DDHD1: variants seen among roughly 807,000 people sequenced by gnomAD.
DDHD1 encodes DDHD domain containing 1.
DDHD1 carries 49 observed loss-of-function variants against 96.4 expected under a neutral mutation model. That is an observed-to-expected ratio of 0.51 (90% CI 0.40 to 0.64). The LOEUF is 0.64. DDHD1 is among the 30% of genes least tolerant of loss of function. The pLI, the probability that DDHD1 is intolerant of heterozygous loss-of-function variation, is 0.00. For missense variants in DDHD1, 1,106 were observed against 1,161.2 expected, an observed-to-expected ratio of 0.95 and a Z score of 0.69; for synonymous variants, 442 against 446.5, an observed-to-expected ratio of 0.99 and a Z score of 0.13.
intron 1 of DDHD1, among the ~76,000 whole-genome samples, chr14:53,147,946 T>A (rs1891109398): frequency 6.6e-6 from 1 of 151,340 alleles, no homozygotes; most frequent in Non-Finnish European, 1.5e-5. Flanking sequence ...AATAACACGG[T>A]CACATCTACA....
At chr14:53,142,460 CA>C (rs745636721) in intron 1 of DDHD1, among the ~76,000 whole-genome samples, 553 of 72,042 alleles carry the variant, frequency 7.7e-3, no homozygotes, top group African/African-American at 0.014. Flanking sequence ...GCCGGCATGG[CA>C]AAAAAAAAAA....
At position 53,152,832 on chromosome 14, in the gene DDHD1, A is replaced by G. The variant is rs749815079; in HGVS notation, c.267T>C (p.Tyr89=). 1 of 1,611,676 alleles carries G rather than the reference A, an allele frequency of 6.2e-7. No homozygotes were observed. The highest frequency in any genetic ancestry group is 8.5e-7 in the Non-Finnish European group (1 of 1,179,256). Residue 89 remains tyrosine (Y), a synonymous_variant, in exon 1 of 13, where the codon TAT becomes TAC. Coordinates refer to ENST00000673822, the MANE Select transcript of DDHD1 (RefSeq NM_001160148.2). ...ALDPCLSDEN[Y]DFSSAESGSS... ...AGCCCGACTCGGCGGAGCTGAAGTC[A>G]TAGTTCTCGTCACTGAGGCAGGGGT... is the stretch of plus-strand genomic sequence containing the variant.
At chr14:53,084,758 T>C (rs1885784794) in intron 4 of DDHD1, among the ~76,000 whole-genome samples, 2 of 152,184 alleles carry the variant, frequency 1.3e-5, no homozygotes, top group Admixed American at 6.5e-5. Context: ...ACCTGGTTCA[T>C]CTCACTGGGA....
intron 1 of DDHD1, among the ~76,000 whole-genome samples, chr14:53,127,130 G>A (rs915703000): frequency 1.1e-4 from 17 of 152,142 alleles, no homozygotes; most frequent in Admixed American, 1.1e-3. Context: ...AAAGTTACCA[G>A]ACAATTGAGA....
chr14:53,066,910 T>C (rs555866969), intron 6 of DDHD1, among the ~76,000 whole-genome samples: 8 of 146,640 alleles, frequency 5.5e-5, no homozygotes, highest in African/African-American at 2.0e-4. Context: ...GAGGCTGCAG[T>C]GAGCTGAGAT....
At chr14:53,132,863 C>T (rs1302242588) in intron 1 of DDHD1, among the ~76,000 whole-genome samples, 2 of 152,202 alleles carry the variant, frequency 1.3e-5, no homozygotes, top group East Asian at 1.9e-4. Context: ...AAGCAGCTAG[C>T]GTTCCAACTT....
At chr14:53,142,344 C>T (rs1248236220) in intron 1 of DDHD1, among the ~76,000 whole-genome samples, 1 of 152,086 alleles carries the variant, frequency 6.6e-6, no homozygotes, top group East Asian at 1.9e-4. Context: ...ACCTAGCTGC[C>T]ATCCCCACTA....
At chr14:53,126,677 CTTTCT>C (rs1889464782) in intron 1 of DDHD1, among the ~76,000 whole-genome samples, 1 of 152,178 alleles carries the variant, frequency 6.6e-6, no homozygotes, top group Non-Finnish European at 1.5e-5. Context: ...GATGTAACAT[CTTTCT>C]TTAAGACTCA....
chr14:53,127,816 T>G (rs1889564266), intron 1 of DDHD1, among the ~76,000 whole-genome samples: 1 of 152,194 alleles, frequency 6.6e-6, no homozygotes, highest in African/African-American at 2.4e-5. Flanking sequence ...TATGTGAAAA[T>G]AGATCCTTAA....
intron 2 of DDHD1, among the ~76,000 whole-genome samples, chr14:53,102,003 C>T (rs1887335992): frequency 6.6e-6 from 1 of 151,798 alleles, no homozygotes; most frequent in South Asian, 2.1e-4. Flanking sequence ...CTCCAAGCTC[C>T]TGGATTTTTT....
chr14:53,081,497 T>G (rs573731740), intron 4 of DDHD1, among the ~76,000 whole-genome samples: 1 of 152,302 alleles, frequency 6.6e-6, no homozygotes, highest in Admixed American at 6.5e-5. Flanking sequence ...ATAGACAATT[T>G]TGTACTTCGA....
intron 1 of DDHD1, among the ~76,000 whole-genome samples, chr14:53,141,749 G>T (rs1232523254): frequency 6.6e-6 from 1 of 152,190 alleles, no homozygotes; most frequent in Non-Finnish European, 1.5e-5. Context: ...AAACTTCACT[G>T]TGACTCCCAG....
chr14:53,152,227 G>A (rs768651612), intron 1 of DDHD1, 34 bp downstream of exon 1: 2 of 1,553,978 alleles, frequency 1.3e-6, no homozygotes, highest in East Asian at 2.3e-5. Flanking sequence ...TGCAGGGGCA[G>A]CCCGTCCTGC....
intron 4 of DDHD1, among the ~76,000 whole-genome samples, chr14:53,083,460 G>A (rs73294043): frequency 2.3e-3 from 346 of 152,292 alleles, no homozygotes; most frequent in African/African-American, 7.9e-3. Flanking sequence ...ATTCCCAGAA[G>A]TTGTCTAAAA....
intron 2 of DDHD1, among the ~76,000 whole-genome samples, chr14:53,101,760 G>A (rs1010878153): frequency 1.3e-5 from 2 of 151,936 alleles, no homozygotes; most frequent in East Asian, 3.9e-4. Flanking sequence ...AAAAACTGAA[G>A]TATCTTGCTA....
intron 4 of DDHD1, among the ~76,000 whole-genome samples, chr14:53,080,262 G>A (rs1260800271): frequency 6.6e-6 from 1 of 152,148 alleles, no homozygotes; most frequent in Non-Finnish European, 1.5e-5. Context: ...TTGGGAGGCT[G>A]AGGCAGAAGA....
At chr14:53,085,836 T>C (rs1229951609) in intron 4 of DDHD1, among the ~76,000 whole-genome samples, 1 of 152,038 alleles carries the variant, frequency 6.6e-6, no homozygotes, top group Admixed American at 6.6e-5. Context: ...AGAAGGTTGG[T>C]AATAACAAAC....
intron 2 of DDHD1, among the ~76,000 whole-genome samples, chr14:53,094,837 C>T (rs1886739181): frequency 1.1e-5 from 1 of 90,340 alleles, no homozygotes; most frequent in Admixed American, 1.3e-4. Flanking sequence ...CAGAGAGATC[C>T]TGTCTCAAAA....
At chr14:53,146,580 A>G (rs1253243782) in intron 1 of DDHD1, among the ~76,000 whole-genome samples, 1 of 152,064 alleles carries the variant, frequency 6.6e-6, no homozygotes, top group Non-Finnish European at 1.5e-5. Flanking sequence ...AAATATAATT[A>G]CTTTTACACA....
Sources: allele counts gnomAD v4.1 joint callset (sites outside exome capture counted in the v4.1 genomes callset), GRCh38; gene constraint gnomAD v4.1.1; transcripts MANE v1.5; gene names NCBI Gene and HGNC (gene_info 2026-07-23, HGNC 2026-07-21).